Variants in TACR1 observed in about 807,000 individuals in gnomAD.
TACR1 encodes the protein substance-P receptor.
TACR1 carries 25 observed loss-of-function variants against 35.8 expected under a neutral mutation model. That is an observed-to-expected ratio of 0.70 (90% CI 0.51 to 0.98). The LOEUF (loss-of-function observed/expected upper bound fraction) is 0.98, where lower values mean the gene tolerates loss of function less well. TACR1 is among the 50% of genes least tolerant of loss of function. The pLI, the probability that TACR1 is intolerant of heterozygous loss-of-function variation, is 0.00. For missense variants in TACR1, 478 were observed against 522.9 expected (o/e 0.91, Z 0.84); for synonymous variants, 195 against 206.7 (o/e 0.94, Z 0.48).
intron 2 of TACR1, among the ~76,000 whole-genome samples, chr2:75,118,241 C>A (rs545434288): frequency 6.6e-6 from 1 of 152,132 alleles, no homozygotes; most frequent in Non-Finnish European, 1.5e-5. Context: ...ATGAAGGATA[C>A]TGACAAAAAG....
At chr2:75,130,879 G>A (rs1326155007) in intron 1 of TACR1, among the ~76,000 whole-genome samples, 1 of 152,128 alleles carries the variant, frequency 6.6e-6, no homozygotes, top group East Asian at 1.9e-4. Flanking sequence ...ATGACTTCTC[G>A]CTTAGATTAA....
intron 2 of TACR1, among the ~76,000 whole-genome samples, chr2:75,060,747 C>T (rs1481962302): frequency 1.3e-5 from 2 of 152,114 alleles, no homozygotes; most frequent in African/African-American, 4.8e-5. Context: ...TGGAAAAGTC[C>T]AGAGGCAGTG....
chr2:75,136,544 T>C (rs1674294020), intron 1 of TACR1, among the ~76,000 whole-genome samples: 3 of 152,174 alleles, frequency 2.0e-5, no homozygotes. Flanking sequence ...AGGGCCTGAA[T>C]GAAGGTGGAA....
At position 75,171,623 on chromosome 2, in the gene TACR1, C is replaced by T. The variant is rs561216783; in HGVS notation, c.389+26923G>A. ...AAAGCAGCCAGGAGGGGGACTGTAC[C>T]CTGCAAAGCCACAGGAGCAGAGCTG... On this transcript the variant is annotated intron_variant, in intron 1 of 4. Coordinates refer to ENST00000305249, the MANE Select transcript of TACR1 (RefSeq NM_001058.4). 3.3e-3 allele frequency among the ~76,000 whole-genome samples: 507 copies of T among 152,272 alleles called. 3 individuals are homozygous for T. The highest frequency in any genetic ancestry group is 5.3e-3 in the Non-Finnish European group (359 of 68,016).
intron 1 of TACR1, among the ~76,000 whole-genome samples, chr2:75,150,681 A>G (rs1458266152): frequency 2.6e-5 from 4 of 152,210 alleles, no homozygotes; most frequent in African/African-American, 9.7e-5. Flanking sequence ...ATAAACTGGT[A>G]CCAGTAGAGT....
intron 2 of TACR1, among the ~76,000 whole-genome samples, chr2:75,120,131 C>T (rs1275013130): frequency 6.6e-6 from 1 of 152,118 alleles, no homozygotes; most frequent in African/African-American, 2.4e-5. Flanking sequence ...AAAAGAATGG[C>T]TACTCCATAG....
At chr2:75,104,190 A>G (rs1325106339) in intron 2 of TACR1, among the ~76,000 whole-genome samples, 1 of 152,084 alleles carries the variant, frequency 6.6e-6, no homozygotes, top group South Asian at 2.1e-4. Context: ...TTAAGGACAC[A>G]CAAAGACTGA....
chr2:75,112,947 T>A (rs1198308607), intron 2 of TACR1, among the ~76,000 whole-genome samples: 1 of 152,146 alleles, frequency 6.6e-6, no homozygotes, highest in Non-Finnish European at 1.5e-5. Flanking sequence ...GTAAATGGAG[T>A]TGGTCTGAAG....
chr2:75,147,272 C>T (rs1213297427), intron 1 of TACR1, among the ~76,000 whole-genome samples: 4 of 152,214 alleles, frequency 2.6e-5, no homozygotes, highest in Non-Finnish European at 5.9e-5. Context: ...TTCCTTTACT[C>T]CTATTGTGTG....
intron 1 of TACR1, among the ~76,000 whole-genome samples, chr2:75,182,251 C>T (rs142040268): frequency 2.2e-4 from 33 of 152,326 alleles, no homozygotes; most frequent in Middle Eastern, 3.4e-3. Flanking sequence ...GGGACTTCTC[C>T]TGTACCCCCA....
chr2:75,047,110 C>T lies in TACR1; in HGVS notation c.*2322G>A, dbSNP rs1421552329. The T allele has an allele frequency of 6.6e-6, 1 of 152,222 alleles. No homozygotes were observed. Among genetic ancestry groups the T allele is most frequent in the Non-Finnish European group, 1.5e-5 (1 of 68,072 alleles). 9.4% of individuals were successfully genotyped at this position (152,222 alleles called of 1,614,324 possible). A position where few individuals can be genotyped will look rare whatever the true frequency, so the allele number is the denominator to read the frequency against. On this transcript the variant is annotated 3_prime_UTR_variant, in exon 5 of 5. Transcript: ENST00000305249. ...GATGCTTTGCCATATTGGAAACTGC[C>T]CGGACCACCCAACATTCCCTCTTAC...
intron 2 of TACR1, among the ~76,000 whole-genome samples, chr2:75,093,888 T>A (rs1673359837): frequency 6.6e-6 from 1 of 152,146 alleles, no homozygotes; most frequent in Non-Finnish European, 1.5e-5. Flanking sequence ...GGTATTAGAA[T>A]TGATCTCGTT....
In TACR1 at chr2:75,164,385, A is replaced by G. The variant is rs1347099921; in HGVS notation, c.389+34161T>C. ...TATTTATATTGTACAAAATAAAAAT[A>G]ATAGAAAAATAATTATGACTAAATG... On this transcript the variant is annotated intron_variant, in intron 1 of 4. Transcript: ENST00000305249. Among the ~76,000 whole-genome samples the G allele has an allele frequency of 4.6e-5, 7 of 152,060 alleles. No individual in the cohort carries two copies. In the East Asian group the frequency reaches 1.2e-3, roughly 25 times the overall value.
At chr2:75,094,838 C>CATATAT (rs770472061) in intron 2 of TACR1, among the ~76,000 whole-genome samples, 45 of 119,848 alleles carry the variant, frequency 3.8e-4, no homozygotes, top group African/African-American at 1.9e-3. Context: ...GAAGCAGAAA[C>CATATAT]ATATATATAT....
intron 2 of TACR1, among the ~76,000 whole-genome samples, chr2:75,098,108 G>A (rs1001863704): frequency 2.0e-5 from 3 of 152,100 alleles, no homozygotes; most frequent in Non-Finnish European, 2.9e-5. Context: ...GAAGATCGTA[G>A]AAATGCAGGG....
At chr2:75,169,881 G>A (rs564236399) in intron 1 of TACR1, among the ~76,000 whole-genome samples, 16 of 151,490 alleles carry the variant, frequency 1.1e-4, no homozygotes, top group South Asian at 2.1e-4. Context: ...TTCCCCTTTC[G>A]TCTCTGTTCT....
At chr2:75,087,420 T>C (rs984398907) in intron 2 of TACR1, among the ~76,000 whole-genome samples, 2 of 152,206 alleles carry the variant, frequency 1.3e-5, no homozygotes, top group East Asian at 3.9e-4. Context: ...AAAGTGCTTT[T>C]CTCTCTGGAG....
Position 75,101,766 on chromosome 2 carries a change from G to A in TACR1, c.584+18808C>T, listed in dbSNP as rs1029737972. 4.6e-5 allele frequency among the ~76,000 whole-genome samples: 7 copies of A among 152,002 alleles called. No homozygotes were observed. The East Asian group carries it at 1.4e-3, about 29-fold the overall frequency. The stretch of plus-strand genomic sequence containing the variant: ...AGTTCAAGACCAGCCTGACCTATAT[G>A]GTGAAACTTCATCTCTACTGAAAAT... On this transcript the variant is annotated intron_variant, in intron 2 of 4. Transcript: ENST00000305249.
Position 75,094,644 on chromosome 2 carries a change from GTGA to G in TACR1, c.584+25927_584+25929del, listed in dbSNP as rs962013993. Among the ~76,000 whole-genome samples the G allele has an allele frequency of 9.3e-4, 142 of 151,908 alleles. 1 individual carries two copies. The highest frequency in any genetic ancestry group is 3.1e-3 in the African/African-American group (128 of 41,356). On this transcript the variant is annotated intron_variant, in intron 2 of 4. Transcript: ENST00000305249. ...GGTGGAGATGGACATGATGGTGGTG[GTGA>G]TGATGATGGTGGTGATAGAGGTGGA...
Sources: allele counts gnomAD v4.1 joint callset (sites outside exome capture counted in the v4.1 genomes callset), GRCh38; gene constraint gnomAD v4.1.1; transcripts MANE v1.5; gene names NCBI Gene and HGNC (gene_info 2026-07-23, HGNC 2026-07-21).